The following SLC26A4 variants were observed in gnomAD, a reference collection of about 807,000 sequenced individuals.
SLC26A4 encodes pendrin.
A neutral mutation model predicts 90.4 loss-of-function variants in SLC26A4; 93 were observed. That is an observed-to-expected ratio of 1.03 (90% confidence interval 0.87 to 1.22). The LOEUF is 1.22. Ranked by LOEUF, SLC26A4 falls within the 50% of genes most tolerant of loss-of-function variation. The pLI is 0.00. For synonymous variants in SLC26A4, 393 were observed against 354.6 expected (o/e 1.11, Z -1.22); for missense variants, 1,127 against 946.2 (o/e 1.19, Z -2.51).
Position 107,663,408 on chromosome 7 carries a change from A to T in SLC26A4, c.277A>T (p.Ser93Cys). 1 of 1,614,114 alleles carries T rather than the reference A, an allele frequency of 6.2e-7. No homozygotes were observed. The highest frequency in any genetic ancestry group is 2.2e-5 in the East Asian group (1 of 44,872). ...WLLSDVISGV[S>C]TGLVATLQGM... ...GCTTAGTGACGTCATTTCGGGAGTT[A>T]GTACTGGGCTAGTGGCCACGCTGCA... The change falls in exon 3 of 21, where the codon AGT (serine) becomes TGT (cysteine). Residue 93 changes from serine (S) to cysteine (C), a missense_variant. By Grantham distance (112) the Ser-to-Cys change is moderately radical. Coordinates refer to ENST00000644269, the MANE Select transcript of SLC26A4 (RefSeq NM_000441.2).
chr7:107,691,958 G>T, intron 10 of SLC26A4: 4 of 1,287,914 alleles, frequency 3.1e-6, no homozygotes, highest in Non-Finnish European at 4.0e-6. Context: ...TTGAGACGGA[G>T]CACTGACAAG....
At chr7:107,691,253 G>C (rs2129316236) in intron 10 of SLC26A4, among the ~76,000 whole-genome samples, 1 of 152,016 alleles carries the variant, frequency 6.6e-6, no homozygotes, top group African/African-American at 2.4e-5. Context: ...TGTAATCCCA[G>C]CACTTTGGGA....
intron 13 of SLC26A4, among the ~76,000 whole-genome samples, chr7:107,696,373 G>A (rs984288447): frequency 6.6e-6 from 1 of 152,168 alleles, no homozygotes; most frequent in African/African-American, 2.4e-5. Context: ...TCTCCTTTTA[G>A]TTGTGGTAAG....
chr7:107,688,351 C>T (rs1236131415), intron 8 of SLC26A4, among the ~76,000 whole-genome samples: 2 of 152,094 alleles, frequency 1.3e-5, no homozygotes, highest in African/African-American at 4.8e-5. Context: ...TATGGATAGT[C>T]ATCAAGATAT....
intron 6 of SLC26A4, among the ~76,000 whole-genome samples, chr7:107,680,429 A>G (rs1043032515): frequency 2.1e-5 from 3 of 143,646 alleles, no homozygotes; most frequent in African/African-American, 7.7e-5. Context: ...ATATTATTAT[A>G]TAAGTATAAT....
chr7:107,684,853 T>C (rs1267484616), intron 8 of SLC26A4, among the ~76,000 whole-genome samples: 1 of 152,212 alleles, frequency 6.6e-6, no homozygotes, highest in Non-Finnish European at 1.5e-5. Context: ...ACAGATCTCT[T>C]TTGTCAGGCT....
intron 17 of SLC26A4, among the ~76,000 whole-genome samples, chr7:107,702,997 A>G (rs906338537): frequency 3.3e-5 from 5 of 152,146 alleles, no homozygotes; most frequent in African/African-American, 7.2e-5. Flanking sequence ...GATATCAGAA[A>G]CCAGTTATGC....
chr7:107,663,524 T>A, intron 3 of SLC26A4, 89 bp downstream of exon 3: 1 of 1,451,024 alleles, frequency 6.9e-7, no homozygotes. Flanking sequence ...AGATGGTTGC[T>A]TACCCTTCAA....
chr7:107,677,719 C>T (rs1021209025), intron 6 of SLC26A4, among the ~76,000 whole-genome samples: 3 of 151,930 alleles, frequency 2.0e-5, no homozygotes, highest in African/African-American at 2.4e-5. Flanking sequence ...GATTCTTCCC[C>T]CTCAGCCTCA....
intron 8 of SLC26A4, among the ~76,000 whole-genome samples, chr7:107,687,086 T>A (rs1464342010): frequency 6.6e-6 from 1 of 152,204 alleles, no homozygotes; most frequent in Non-Finnish European, 1.5e-5. Flanking sequence ...GACGCTGGCC[T>A]GTCGTTTGTG....
chr7:107,698,165 C>G, intron 14 of SLC26A4, 54 bp downstream of exon 14: 1 of 1,127,286 alleles, frequency 8.9e-7, no homozygotes, highest in Admixed American at 1.7e-5. Flanking sequence ...CCTGAAGTTT[C>G]AGCAGCTCCA....
At chr7:107,681,029 T>C (rs867982267) in intron 6 of SLC26A4, among the ~76,000 whole-genome samples, 1 of 152,224 alleles carries the variant, frequency 6.6e-6, no homozygotes, top group Admixed American at 6.5e-5. Flanking sequence ...GCTCCTGTGC[T>C]AAATGCCCTA....
At chr7:107,695,073 C>A (rs533494155) in intron 12 of SLC26A4, among the ~76,000 whole-genome samples, 1 of 152,174 alleles carries the variant, frequency 6.6e-6, no homozygotes, top group African/African-American at 2.4e-5. Context: ...TAAAAACCCA[C>A]GCTGACTTTA....
chr7:107,687,276 G>GAGGGCA (rs1307698016), intron 8 of SLC26A4, among the ~76,000 whole-genome samples: 5 of 152,206 alleles, frequency 3.3e-5, no homozygotes, highest in Non-Finnish European at 7.3e-5. Context: ...TCCACAGAAG[G>GAGGGCA]AGGGCAAGGG....
At chr7:107,705,534 T>C (rs1792016034) in intron 18 of SLC26A4, among the ~76,000 whole-genome samples, 1 of 152,170 alleles carries the variant, frequency 6.6e-6, no homozygotes, top group Admixed American at 6.5e-5. Flanking sequence ...AACCAAGAAG[T>C]CTTCTCTGTA....
chr7:107,674,928 C>T lies in SLC26A4; in HGVS notation c.601-17C>T, dbSNP rs78330939. 6,494 of 1,612,732 alleles carry T rather than the reference C, an allele frequency of 4.0e-3. 20 individuals carry two copies. Among genetic ancestry groups the T allele is most frequent in the Non-Finnish European group, 5.0e-3 (5,873 of 1,178,842 alleles). ...TCAGGCAAACATTTAATTTTTCTTT[C>T]CTTTTCCTTATCGTAGTTGATATTT... On this transcript the variant is annotated splice_polypyrimidine_tract_variant and intron_variant, in intron 5 of 20. Transcript: ENST00000644269.
At chr7:107,674,090 T>C in intron 4 of SLC26A4, 74 bp from the exon 5 acceptor site, 5 of 1,424,322 alleles carry the variant, frequency 3.5e-6, no homozygotes, top group Non-Finnish European at 5.0e-6. Flanking sequence ...TTATACATTT[T>C]TTAAACCCTA....
At position 107,683,507 on chromosome 7, in the gene SLC26A4, A is replaced by G; in HGVS notation, c.971A>G (p.Asn324Ser). ...GGAGCCAACCTGGAAAAAAATTACA[A>G]TGCTGGCATTGTTAAATCCATCCCA... ...SYGANLEKNY[N>S]AGIVKSIPRG... is the part of the protein sequence containing the mutation. The change falls in exon 8 of 21, where the codon AAT becomes AGT. Residue 324 changes from asparagine to serine, a missense_variant. Transcript: ENST00000644269. 2 of 1,613,914 alleles carry G rather than the reference A, an allele frequency of 1.2e-6. No individual in the cohort carries two copies. Among genetic ancestry groups the G allele is most frequent in the Non-Finnish European group, 1.7e-6 (2 of 1,179,834 alleles).
At position 107,701,670 on chromosome 7, in the gene SLC26A4, A is replaced by C. The variant is rs529336175; in HGVS notation, c.1804-157A>C. On this transcript the variant is annotated intron_variant, in intron 16 of 20. Transcript: ENST00000644269. The stretch of plus-strand genomic sequence containing the variant: ...CCCAGTTTTCTTCCTAGACAACATC[A>C]AAGTTTGGGCTGAGGTGAAACCCAT... Among the ~76,000 whole-genome samples, 85 of 152,302 alleles carry C rather than the reference A, an allele frequency of 5.6e-4. 1 individual carries two copies. In the South Asian group the frequency reaches 0.013, roughly 24 times the overall value.
Sources: gnomAD v4.1 joint callset for allele counts (sites outside exome capture counted in the v4.1 genomes callset) on GRCh38, gnomAD v4.1.1 for gene constraint, MANE v1.5 for transcripts, NCBI Gene and HGNC (gene_info 2026-07-23, HGNC 2026-07-21) for gene names.